Variants in PDGFC observed in about 807,000 individuals in gnomAD.
The protein encoded by PDGFC is platelet derived growth factor C.
PDGFC carries 12 observed loss-of-function variants against 35.5 expected under a neutral mutation model. The observed-to-expected ratio is 0.34, with a 90% CI of 0.22 to 0.55. The LOEUF (loss-of-function observed/expected upper bound fraction) is 0.55, where lower values mean the gene tolerates loss of function less well. PDGFC is among the 20% of genes least tolerant of loss of function. The probability of loss-of-function intolerance (pLI) is 0.91; values close to 1 mark genes in which losing one functional copy is unlikely to be tolerated. For missense variants in PDGFC, 322 were observed against 412.4 expected (o/e 0.78, Z 1.90); for synonymous variants, 159 against 148.8 (o/e 1.07, Z -0.50).
At chr4:156,954,321 T>C (rs950169765) in intron 1 of PDGFC, among the ~76,000 whole-genome samples, 1 of 152,004 alleles carries the variant, frequency 6.6e-6, no homozygotes. Context: ...AAAAAAACTA[T>C]ATTCTTTGAG....
intron 2 of PDGFC, among the ~76,000 whole-genome samples, chr4:156,846,722 A>T (rs987865677): frequency 6.6e-6 from 1 of 151,814 alleles, no homozygotes; most frequent in Non-Finnish European, 1.5e-5. Context: ...CTTAAACAAC[A>T]CACAGTGGGT....
chr4:156,914,931 G>C (rs1731123388), intron 1 of PDGFC, among the ~76,000 whole-genome samples: 1 of 152,040 alleles, frequency 6.6e-6, no homozygotes, highest in Admixed American at 6.6e-5. Context: ...CTTCCCTTCT[G>C]TTTATTTCTA....
intron 1 of PDGFC, among the ~76,000 whole-genome samples, chr4:156,896,074 T>C (rs1730627405): frequency 1.3e-5 from 2 of 152,132 alleles, no homozygotes; most frequent in South Asian, 2.1e-4. Context: ...GATATCAGGA[T>C]TAAAGAATTC....
rs1730401594 is a variant in PDGFC, at chr4:156,762,429, T to G, written c.*661A>C. The stretch of plus-strand genomic sequence containing the variant: ...CGATAAAGTGAAGATAAGGCCACTC[T>G]TCTTTTCAGGTTTATCTCTTCCAAA... On this transcript the variant is annotated 3_prime_UTR_variant, in exon 6 of 6. Transcript: ENST00000502773. The G allele has an allele frequency of 6.6e-6, 1 of 152,608 alleles. No homozygotes were observed. Among genetic ancestry groups the G allele is most frequent in the African/African-American group, 2.4e-5 (1 of 41,450 alleles). The allele number at this position is 152,608 out of a possible 1,614,324, so 9.5% of individuals were successfully genotyped here. A position where few individuals can be genotyped will look rare whatever the true frequency, so the allele number is the denominator to read the frequency against.
At chr4:156,894,675 T>C (rs946996803) in intron 1 of PDGFC, among the ~76,000 whole-genome samples, 2 of 152,270 alleles carry the variant, frequency 1.3e-5, no homozygotes, top group East Asian at 1.9e-4. Flanking sequence ...ATTGACAGCA[T>C]GAGGCTGCAG....
intron 1 of PDGFC, among the ~76,000 whole-genome samples, chr4:156,956,945 A>T (rs1732226692): frequency 6.6e-6 from 1 of 152,008 alleles, no homozygotes; most frequent in African/African-American, 2.4e-5. Flanking sequence ...AGGTACCAGG[A>T]CATCAAAGTG....
intron 2 of PDGFC, among the ~76,000 whole-genome samples, chr4:156,832,115 C>T (rs972075124): frequency 7.2e-5 from 11 of 152,100 alleles, no homozygotes; most frequent in Middle Eastern, 3.4e-3. Flanking sequence ...AGAAATTATT[C>T]CAGTTGTCTC....
chr4:156,914,516 C>T (rs1731113034), intron 1 of PDGFC, among the ~76,000 whole-genome samples: 1 of 152,194 alleles, frequency 6.6e-6, no homozygotes, highest in African/African-American at 2.4e-5. Context: ...CAAGAACTCA[C>T]GGCTATTGCC....
intron 1 of PDGFC, among the ~76,000 whole-genome samples, chr4:156,881,209 C>A (rs1157974964): frequency 6.6e-6 from 1 of 152,148 alleles, no homozygotes; most frequent in Non-Finnish European, 1.5e-5. Context: ...TGAGGCAAAA[C>A]CCTCTAACAG....
intron 1 of PDGFC, among the ~76,000 whole-genome samples, chr4:156,948,894 C>A (rs193091870): frequency 3.9e-5 from 6 of 151,956 alleles, no homozygotes; most frequent in Admixed American, 3.9e-4. Flanking sequence ...CCCCGTATCC[C>A]CTGAGTAATG....
chr4:156,910,463 C>G lies in PDGFC; in HGVS notation c.119-60047G>C, dbSNP rs532238970. The stretch of plus-strand genomic sequence containing the variant: ...TCTTGAAAGCCATTTAGGCTGTTTT[C>G]TAGCTTGTAGCTTTTACAAATAAAG... On this transcript the variant is annotated intron_variant, in intron 1 of 5. Coordinates refer to ENST00000502773, the MANE Select transcript of PDGFC (RefSeq NM_016205.3). Among the ~76,000 whole-genome samples, 19 of 152,236 alleles carry G rather than the reference C, an allele frequency of 1.2e-4. 1 individual carries two copies. In the South Asian group the frequency reaches 3.7e-3, roughly 30 times the overall value.
chr4:156,932,862 G>A (rs934499762), intron 1 of PDGFC, among the ~76,000 whole-genome samples: 8 of 151,692 alleles, frequency 5.3e-5, no homozygotes, highest in Middle Eastern at 3.4e-3. Context: ...TAACCTGCAC[G>A]TTGTGCACAT....
chr4:156,821,036 C>T (rs1732238707), intron 2 of PDGFC, among the ~76,000 whole-genome samples: 1 of 152,062 alleles, frequency 6.6e-6, no homozygotes, highest in Non-Finnish European at 1.5e-5. Flanking sequence ...ATAATAGATT[C>T]CCATGAGAAC....
chr4:156,826,174 A>ATTGTTTTT (rs1732468810), intron 2 of PDGFC, among the ~76,000 whole-genome samples: 1 of 43,768 alleles, frequency 2.3e-5, no homozygotes. Context: ...TTTGAGTTGG[A>ATTGTTTTT]TTTTTTTTTT....
At chr4:156,797,498 G>C (rs896678204) in intron 3 of PDGFC, among the ~76,000 whole-genome samples, 1 of 152,110 alleles carries the variant, frequency 6.6e-6, no homozygotes. Context: ...TTTGAACATG[G>C]TTTAAAGTTC....
chr4:156,942,718 T>C (rs1731839019), intron 1 of PDGFC, among the ~76,000 whole-genome samples: 1 of 148,462 alleles, frequency 6.7e-6, no homozygotes, highest in African/African-American at 2.4e-5. Context: ...TATTATTATA[T>C]TGTAATTATA....
intron 3 of PDGFC, among the ~76,000 whole-genome samples, chr4:156,779,834 C>T (rs1318514929): frequency 5.3e-5 from 8 of 152,168 alleles, no homozygotes; most frequent in Non-Finnish European, 1.0e-4. Context: ...CACCTTCTCA[C>T]CTAAAGCACT....
chr4:156,933,637 T>G (rs1293830060), intron 1 of PDGFC, among the ~76,000 whole-genome samples: 1 of 152,208 alleles, frequency 6.6e-6, no homozygotes, highest in Non-Finnish European at 1.5e-5. Context: ...TGCCTTGATA[T>G]GGTTTGGCTC....
intron 1 of PDGFC, among the ~76,000 whole-genome samples, chr4:156,962,877 A>G (rs776836579): frequency 6.6e-6 from 1 of 152,168 alleles, no homozygotes. Context: ...TAAGCAATGC[A>G]AAACTAGAAG....
Sources: allele counts gnomAD v4.1 joint callset (sites outside exome capture counted in the v4.1 genomes callset), GRCh38; gene constraint gnomAD v4.1.1; transcripts MANE v1.5; gene names NCBI Gene and HGNC (gene_info 2026-07-23, HGNC 2026-07-21).